The following HIVEP1 variants were observed in gnomAD, a reference collection of about 807,000 sequenced individuals.
The protein encoded by HIVEP1 is zinc finger protein 40.
In HIVEP1, 36 loss-of-function variants were observed where a neutral mutation model predicts 180.0. The observed-to-expected ratio is 0.20, with a 90% CI of 0.15 to 0.26. The LOEUF is 0.26. Among genes scored for constraint, HIVEP1 ranks in the 10% least tolerant of loss-of-function variants. The pLI, the probability that HIVEP1 is intolerant of heterozygous loss-of-function variation, is 1.00. For missense variants in HIVEP1, 3,143 were observed against 3,268.7 expected, an observed-to-expected ratio of 0.96 and a Z score of 0.94; for synonymous variants, 1,239 against 1,239.0, an observed-to-expected ratio of 1.00 and a Z score of 0.00.
chr6:12,184,042 C>A, the HIVEP1 span, among the ~76,000 whole-genome samples: 1 of 147,288 alleles, frequency 6.8e-6, no homozygotes, highest in African/African-American at 2.7e-5. Context: ...GACAGACAGA[C>A]AGACAGACAG....
intron 2 of HIVEP1, among the ~76,000 whole-genome samples, chr6:12,021,005 C>G (rs927467468): frequency 2.6e-5 from 4 of 151,606 alleles, no homozygotes; most frequent in Non-Finnish European, 4.4e-5. Flanking sequence ...ATTCTCCTGC[C>G]TCAGCCTCCC....
At chr6:12,040,312 G>A (rs953309979) in intron 2 of HIVEP1, among the ~76,000 whole-genome samples, 7 of 152,134 alleles carry the variant, frequency 4.6e-5, no homozygotes, top group Non-Finnish European at 1.5e-5. Context: ...TCAAAAATAA[G>A]AATAATTTAA....
At chr6:12,151,145 A>T (rs1395368748) in intron 7 of HIVEP1, among the ~76,000 whole-genome samples, 2 of 152,220 alleles carry the variant, frequency 1.3e-5, no homozygotes, top group African/African-American at 2.4e-5. Flanking sequence ...ACTTTGACAA[A>T]AATGTTGCTA....
At chr6:12,018,045 C>T (rs983796982) in intron 2 of HIVEP1, among the ~76,000 whole-genome samples, 12 of 152,202 alleles carry the variant, frequency 7.9e-5, no homozygotes, top group African/African-American at 2.7e-4. Flanking sequence ...TGGCGGGCTG[C>T]AGGTCCTGAG....
downstream of HIVEP1, chr6:12,165,052 T>A: frequency 2.1e-6 from 1 of 482,174 alleles, no homozygotes; most frequent in Non-Finnish European, 4.1e-6. Flanking sequence ...GTGATCTGCA[T>A]TTGGAAAATA....
chr6:12,199,244 G>A, the HIVEP1 span, among the ~76,000 whole-genome samples: 1 of 152,102 alleles, frequency 6.6e-6, no homozygotes, highest in Admixed American at 6.6e-5. Context: ...CCTACCAGAA[G>A]ACAGGACACC....
chr6:12,179,954 G>C, the HIVEP1 span, among the ~76,000 whole-genome samples: 1 of 152,080 alleles, frequency 6.6e-6, no homozygotes, highest in African/African-American at 2.4e-5. Context: ...GCTATGACAT[G>C]AATTTTCTTT....
At chr6:12,133,421 ATTAT>A (rs1014494682) in intron 6 of HIVEP1, among the ~76,000 whole-genome samples, 2 of 152,204 alleles carry the variant, frequency 1.3e-5, no homozygotes, top group African/African-American at 2.4e-5. Flanking sequence ...TATCAGAAAA[ATTAT>A]TTATTAAATT....
At chr6:12,067,727 A>G (rs1292696902) in intron 2 of HIVEP1, among the ~76,000 whole-genome samples, 1 of 151,898 alleles carries the variant, frequency 6.6e-6, no homozygotes, top group Non-Finnish European at 1.5e-5. Context: ...CAGACCATGC[A>G]CTCCATGGTC....
chr6:12,015,746 C>G (rs1345189658), intron 2 of HIVEP1, 78 bp downstream of exon 2: 3 of 1,336,996 alleles, frequency 2.2e-6, no homozygotes, highest in Non-Finnish European at 3.2e-6. Context: ...CAGGAATGGC[C>G]GTTTGTTAGA....
chr6:12,163,080 C>T (rs573004565), intron 8 of HIVEP1, among the ~76,000 whole-genome samples: 3 of 152,096 alleles, frequency 2.0e-5, no homozygotes, highest in African/African-American at 7.2e-5. Flanking sequence ...CTACCAGAAA[C>T]GAAATTAAAG....
chr6:12,134,327 CCAT>C (rs1220479427), intron 6 of HIVEP1, among the ~76,000 whole-genome samples: 1 of 152,060 alleles, frequency 6.6e-6, no homozygotes, highest in Non-Finnish European at 1.5e-5. Flanking sequence ...TGGACCTTAG[CCAT>C]CATCTGGTCT....
upstream of HIVEP1, among the ~76,000 whole-genome samples, chr6:12,011,015 G>A (rs533326548): frequency 6.6e-6 from 1 of 152,238 alleles, no homozygotes; most frequent in East Asian, 1.9e-4. Flanking sequence ...TGCGCTCGCA[G>A]CTTCGGCACT....
At chr6:12,092,502 T>A (rs546146852) in intron 3 of HIVEP1, among the ~76,000 whole-genome samples, 2 of 152,196 alleles carry the variant, frequency 1.3e-5, no homozygotes, top group Non-Finnish European at 2.9e-5. Flanking sequence ...AATGCAGGTA[T>A]GAATATTTTT....
the HIVEP1 span, among the ~76,000 whole-genome samples, chr6:12,199,487 G>C: frequency 6.6e-6 from 1 of 150,538 alleles, no homozygotes; most frequent in Non-Finnish European, 1.5e-5. Flanking sequence ...TCAGCCTCCG[G>C]AGTAGCTGGG....
downstream of HIVEP1, among the ~76,000 whole-genome samples, chr6:12,167,005 G>A (rs1320423221): frequency 6.6e-6 from 1 of 151,980 alleles, no homozygotes; most frequent in Non-Finnish European, 1.5e-5. Context: ...ATAAATCGAG[G>A]GCGTTCCAAT....
intron 3 of HIVEP1, among the ~76,000 whole-genome samples, chr6:12,095,550 T>A (rs954685628): frequency 1.3e-5 from 2 of 150,262 alleles, no homozygotes; most frequent in Admixed American, 6.6e-5. Flanking sequence ...ATTTCTCACT[T>A]AATTGCATTG....
rs1388069574 is a variant in HIVEP1, at chr6:12,151,765, G to A, written c.6488-9674G>A. On this transcript the variant is annotated intron_variant, in intron 7 of 8. Coordinates refer to ENST00000379388, the MANE Select transcript of HIVEP1 (RefSeq NM_002114.4). ...ACTAAACTGTGACTGTAGCACAAAAGCAGCCACAGACAGTATATAAAGAAA... is the reference window on the plus strand; with the variant it reads ...ACTAAACTGTGACTGTAGCACAAAAACAGCCACAGACAGTATATAAAGAAA... Among the ~76,000 whole-genome samples, 6 of 152,158 alleles carry A rather than the reference G, an allele frequency of 3.9e-5. No individual in the cohort carries two copies. In the East Asian group the frequency reaches 1.2e-3, roughly 29 times the overall value.
At chr6:12,012,255 C>G (rs1022085215), upstream of HIVEP1, 1 of 147,406 alleles carries the variant, frequency 6.8e-6, no homozygotes, top group South Asian at 2.0e-4. Flanking sequence ...CCGCGCTCCC[C>G]CCCCCGCCCC....
Sources: allele counts gnomAD v4.1 joint callset (sites outside exome capture counted in the v4.1 genomes callset), GRCh38; gene constraint gnomAD v4.1.1; transcripts MANE v1.5; gene names NCBI Gene and HGNC (gene_info 2026-07-23, HGNC 2026-07-21).